MYH7: variants seen among roughly 807,000 people sequenced by gnomAD.
The protein encoded by MYH7 is myosin heavy chain 7, also known as myosin-7.
Under a neutral mutation model 225.4 loss-of-function variants are expected in MYH7, and 129 were observed. The ratio of observed to expected loss-of-function variants is 0.57; its 90% CI spans 0.50 to 0.66. The LOEUF (loss-of-function observed/expected upper bound fraction) is 0.66. Ranked by LOEUF, MYH7 falls within the 30% of genes least tolerant of loss-of-function variation. The probability of loss-of-function intolerance (pLI) is 0.00; values close to 1 mark genes in which losing one functional copy is unlikely to be tolerated. For missense variants in MYH7, 1,649 were observed against 2,517.0 expected, an observed-to-expected ratio of 0.66 and a Z score of 7.38; for synonymous variants, 971 against 1,007.6, an observed-to-expected ratio of 0.96 and a Z score of 0.69.
rs918506971 is a variant in MYH7 at position 23,420,948 on chromosome 14, C to T, written c.3336+10G>A. Reference sequence around the variant, plus strand: ...GGACTCAGCATCCCGCGTGGGTGTCCAGACCTCACCTGAAGCTCCTTGAGC... The same window carrying T: ...GGACTCAGCATCCCGCGTGGGTGTCTAGACCTCACCTGAAGCTCCTTGAGC... On this transcript the variant is annotated intron_variant, in intron 26 of 39. Coordinates refer to ENST00000355349, the MANE Select transcript of MYH7 (RefSeq NM_000257.4). The T allele has an allele frequency of 1.2e-5, 19 of 1,611,256 alleles. No homozygotes were observed. Among genetic ancestry groups the T allele is most frequent in the Non-Finnish European group, 1.6e-5 (19 of 1,179,276 alleles).
chr14:23,415,893 A>G lies in MYH7; in HGVS notation c.4954-61T>C. ...AGCCTCGGTTCCCTTCACTAAAGGCACCTGTCAGAGGTCCCTGCAGTAACC... is the reference window on the plus strand; with the variant it reads ...AGCCTCGGTTCCCTTCACTAAAGGCGCCTGTCAGAGGTCCCTGCAGTAACC... On this transcript the variant is annotated intron_variant, in intron 34 of 39. Coordinates refer to ENST00000355349, the MANE Select transcript of MYH7 (RefSeq NM_000257.4). The surrounding 1 kb of genome is among the most constrained non-coding windows in gnomAD (Gnocchi z 6.3). 1 of 1,613,364 alleles carries G rather than the reference A, an allele frequency of 6.2e-7. No individual in the cohort carries two copies. Among genetic ancestry groups the G allele is most frequent in the Non-Finnish European group, 8.5e-7 (1 of 1,179,548 alleles).
In MYH7 at chr14:23,415,456, C is replaced by G. The variant is rs886050416; in HGVS notation, c.5208G>C (p.Gln1736His). The G allele has an allele frequency of 3.1e-6, 5 of 1,614,236 alleles. No individual in the cohort carries two copies. Among genetic ancestry groups the G allele is most frequent in the Non-Finnish European group, 4.2e-6 (5 of 1,180,052 alleles). ...CTGCCTCCTCCACTTCAGTCTGGAG[C>G]TGGGACAGGTCAGCATCCATCTTCT... ...QKKKMDADLS[Q>H]LQTEVEEAVQ... The change falls in exon 36 of 40, where the codon CAG becomes CAC. Residue 1736 changes from glutamine (Q) to histidine (H), a missense_variant. Gln to His is a conservative substitution (Grantham distance 24). This residue lies in a region of MYH7 where 687 missense variants were observed against 913.8 expected (regional missense o/e 0.75). Coordinates refer to ENST00000355349, the MANE Select transcript of MYH7 (RefSeq NM_000257.4). The surrounding 1 kb of genome is among the most constrained non-coding windows in gnomAD (Gnocchi z 6.3).
intron 4 of MYH7, 125 bp from the exon 5 acceptor site, chr14:23,432,920 GA>G (rs1893007776): frequency 6.7e-7 from 1 of 1,492,012 alleles, no homozygotes; most frequent in Admixed American, 1.9e-5. Context: ...CACTCAATCT[GA>G]GTAATGCCAG....
At chr14:23,417,385 G>A in intron 31 of MYH7, 67 bp from the exon 32 acceptor site, 5 of 1,611,692 alleles carry the variant, frequency 3.1e-6, no homozygotes, top group Non-Finnish European at 3.4e-6. Context: ...TCTGTCTCAG[G>A]ACCTGCCTGG....
At chr14:23,430,466 A>C (rs1370038663) in intron 11 of MYH7, 94 bp downstream of exon 11, 1 of 1,018,558 alleles carries the variant, frequency 9.8e-7, no homozygotes, top group Admixed American at 2.0e-5. Context: ...CACTTTAAAC[A>C]ACCAATGGCC....
intron 15 of MYH7, 136 bp downstream of exon 15, chr14:23,428,364 C>T (rs1892780658): frequency 1.4e-6 from 2 of 1,420,642 alleles, no homozygotes; most frequent in Non-Finnish European, 2.0e-6. Context: ...ACAACATAGG[C>T]TCTGGAACCA....
chr14:23,420,711 C>G (rs112592439), intron 26 of MYH7, among the ~76,000 whole-genome samples: 2 of 152,174 alleles, frequency 1.3e-5, no homozygotes, highest in Non-Finnish European at 2.9e-5. Flanking sequence ...GGTCACCCAA[C>G]TAAGGCAGAG....
intron 1 of MYH7, among the ~76,000 whole-genome samples, chr14:23,435,137 A>G (rs73587636): frequency 0.025 from 3,780 of 152,202 alleles, 102 homozygotes; most frequent in East Asian, 0.076. Context: ...GGCATAGACA[A>G]GAACCTCTGC....
rs143362532 is a variant in MYH7, at chr14:23,415,054, C to T, written c.5500G>A (p.Ala1834Thr). ...TTCCTCATGCCCTTCACCGACTCTG[C>T]GTTGCGCTTCTGCTCGGCCTCCAGC... is the stretch of plus-strand genomic sequence containing the variant. ...NELEAEQKRNAESVKGMRKSE... is the reference protein window; with the variant it reads ...NELEAEQKRNTESVKGMRKSE... Residue 1834 changes from alanine (A) to threonine (T), a missense_variant, in exon 37 of 40, where the codon GCA (alanine) becomes ACA (threonine). This residue lies in a region of MYH7 where 687 missense variants were observed against 913.8 expected (regional missense o/e 0.75). Transcript: ENST00000355349. The surrounding 1 kb of genome is among the most constrained non-coding windows in gnomAD (Gnocchi z 6.3). 38 of 1,612,684 alleles carry T rather than the reference C, an allele frequency of 2.4e-5. No homozygotes were observed. Among genetic ancestry groups the T allele is most frequent in the Middle Eastern group, 1.6e-4 (1 of 6,080 alleles).
chr14:23,422,140 G>C (rs1378874782), intron 25 of MYH7, 40 bp downstream of exon 25: 2 of 1,611,662 alleles, frequency 1.2e-6, no homozygotes, highest in South Asian at 2.2e-5. Flanking sequence ...ACTGTTATGG[G>C]CTGGGGAGGA....
rs1317654973 is a variant in MYH7 at position 23,433,418 on chromosome 14, G to T, written c.201+114C>A. 6 of 1,444,482 alleles carry T rather than the reference G, an allele frequency of 4.2e-6. No individual in the cohort carries two copies. In the African/African-American group the frequency reaches 5.6e-5, roughly 13 times the overall value. The allele number at this position is 1,444,482 out of a possible 1,614,324, so 89.5% of individuals were successfully genotyped here. ...GGTCTGGATTCTTCCCCAAAGGGAA[G>T]GAGAATGGGACCATCCTCAGGTCTG... On this transcript the variant is annotated intron_variant, in intron 3 of 39. Coordinates refer to ENST00000355349, the MANE Select transcript of MYH7 (RefSeq NM_000257.4). This position sits in a 1 kb window ranked among gnomAD's most constrained non-coding sequence, Gnocchi z 4.1.
intron 2 of MYH7, 140 bp downstream of exon 2, chr14:23,434,054 C>G (rs1403413228): frequency 3.7e-6 from 2 of 545,984 alleles, no homozygotes; most frequent in African/African-American, 3.9e-5. Flanking sequence ...CCTGGACCCC[C>G]TGGTCACAGG....
In MYH7 at chr14:23,420,900, C is replaced by T. The variant is rs78157728; in HGVS notation, c.3336+58G>A. The T allele has an allele frequency of 2.3e-6, 3 of 1,309,474 alleles. No homozygotes were observed. In the African/African-American group the frequency reaches 4.4e-5, roughly 19 times the overall value. The allele number at this position is 1,309,474 out of a possible 1,614,324, so 81.1% of individuals were successfully genotyped here. On this transcript the variant is annotated intron_variant, in intron 26 of 39. Transcript: ENST00000355349. ...GAACAGGACACCCTAGAGGAGGGGG[C>T]AGGGGAAACAGAACCAGCCCAGGGA...
intron 24 of MYH7, among the ~76,000 whole-genome samples, chr14:23,422,716 C>T (rs760872254): frequency 6.6e-6 from 1 of 151,018 alleles, no homozygotes. Context: ...CTGCAACCTC[C>T]GCCTCCCTGG....
Position 23,427,799 on chromosome 14 carries a change from G to T in MYH7, c.1674C>A (p.Gly558=), listed in dbSNP as rs1255710559. The T allele has an allele frequency of 6.2e-7, 1 of 1,614,194 alleles. No homozygotes were observed. Among genetic ancestry groups the T allele is most frequent in the Admixed American group, 1.7e-5 (1 of 60,022 alleles). ...GTGGCTTCTGGAAGTTGGCGGATTTGCCCAGGTGGTTGTCAAACAGCTTGG... is the reference window on the plus strand; with the variant it reads ...GTGGCTTCTGGAAGTTGGCGGATTTTCCCAGGTGGTTGTCAAACAGCTTGG... ...FKAKLFDNHL[G]KSANFQKPRN... The change falls in exon 16 of 40, where the codon GGC becomes GGA. Residue 558 remains glycine, a synonymous_variant. Transcript: ENST00000355349.
chr14:23,425,586 G>A lies in MYH7; in HGVS notation c.2286+109C>T. The A allele has an allele frequency of 6.3e-7, 1 of 1,592,074 alleles. No individual in the cohort carries two copies. The highest frequency in any genetic ancestry group is 8.6e-7 in the Non-Finnish European group (1 of 1,165,606). On this transcript the variant is annotated intron_variant, in intron 20 of 39. Transcript: ENST00000355349. The surrounding 1 kb of genome is among the most constrained non-coding windows in gnomAD (Gnocchi z 4.6). ...GGTGCTAGATGTTCCACTGGGAGGG[G>A]TAGCATACAGGTAAGAGATTTTGCT...
Position 23,415,180 on chromosome 14 carries a change from C to G in MYH7, c.5374G>C (p.Asp1792His). The change falls in exon 37 of 40, where the codon GAC (aspartate) becomes CAC (histidine). Residue 1792 changes from aspartate (D) to histidine (H), a missense_variant. Transcript: ENST00000355349. The surrounding 1 kb of genome is among the most constrained non-coding windows in gnomAD (Gnocchi z 6.3). Reference protein sequence around the residue: ...MKKNMEQTIKDLQHRLDEAEQ... With the variant: ...MKKNMEQTIKHLQHRLDEAEQ... ...GCTTCGTCCAGCCGGTGCTGCAGGT[C>G]CTTAATGGTCTGTTCCATGTTCTTC... 1 of 1,614,258 alleles carries G rather than the reference C, an allele frequency of 6.2e-7. No homozygotes were observed.
chr14:23,423,893 G>A lies in MYH7; in HGVS notation c.2922+14C>T, dbSNP rs1363427619. The stretch of plus-strand genomic sequence containing the variant: ...GATGAGACCCGGGCTGGAGCCAAAG[G>A]GAGCTGCCCTTACCTTGTTCTCTGT... On this transcript the variant is annotated intron_variant, in intron 23 of 39. Coordinates refer to ENST00000355349, the MANE Select transcript of MYH7 (RefSeq NM_000257.4). The A allele has an allele frequency of 6.2e-7, 1 of 1,613,862 alleles. No homozygotes were observed. Among genetic ancestry groups the A allele is most frequent in the Admixed American group, 1.7e-5 (1 of 60,022 alleles).
chr14:23,421,342 G>C (rs1323415718), intron 25 of MYH7, among the ~76,000 whole-genome samples: 1 of 152,148 alleles, frequency 6.6e-6, no homozygotes, highest in Non-Finnish European at 1.5e-5. Context: ...GGACTAGATT[G>C]TTTCAAAGGT....
Sources: allele counts gnomAD v4.1 joint callset (sites outside exome capture counted in the v4.1 genomes callset), GRCh38; gene constraint gnomAD v4.1.1; regional missense constraint gnomAD v4.1.1; non-coding constraint Gnocchi (gnomAD v3.1); transcripts MANE v1.5; gene names NCBI Gene and HGNC (gene_info 2026-07-23, HGNC 2026-07-21).